PARD6B: variants seen among roughly 807,000 people sequenced by gnomAD.
PARD6B encodes partitioning defective 6 homolog beta.
PARD6B carries 4 observed loss-of-function variants against 10.5 expected under a neutral mutation model. The observed-to-expected ratio is 0.38, with a 90% confidence interval of 0.19 to 0.87. PARD6B has a LOEUF of 0.87. PARD6B is among the 40% of genes least tolerant of loss of function. PARD6B has a pLI of 0.41. For synonymous variants in PARD6B, 169 were observed against 170.4 expected (o/e 0.99, Z 0.07); for missense variants, 396 against 470.6 (o/e 0.84, Z 1.47).
At chr20:50,739,026 T>G (rs1336258454) in intron 2 of PARD6B, among the ~76,000 whole-genome samples, 1 of 151,766 alleles carries the variant, frequency 6.6e-6, no homozygotes, top group East Asian at 1.9e-4. Context: ...TAGGGCTTAT[T>G]ATGGTATGTA....
chr20:50,748,197 T>G (rs2294592), intron 2 of PARD6B, among the ~76,000 whole-genome samples: 47,355 of 152,068 alleles, frequency 0.31, 8,101 homozygotes, highest in African/African-American at 0.46. Flanking sequence ...ACAAAAATTA[T>G]CTGGGCATAG....
At chr20:50,736,789 C>A (rs1414715749) in intron 1 of PARD6B, among the ~76,000 whole-genome samples, 9 of 151,940 alleles carry the variant, frequency 5.9e-5, no homozygotes, top group Non-Finnish European at 1.3e-4. Context: ...CAACCTCTGC[C>A]TCCCAGATTC....
At chr20:50,738,449 G>A (rs573402760) in intron 2 of PARD6B, among the ~76,000 whole-genome samples, 1 of 152,310 alleles carries the variant, frequency 6.6e-6, no homozygotes, top group East Asian at 1.9e-4. Flanking sequence ...GGAATCCAAA[G>A]CATTCCTGTT....
At chr20:50,737,756 A>G in intron 1 of PARD6B, 101 bp from the exon 2 acceptor site, 1 of 759,842 alleles carries the variant, frequency 1.3e-6, no homozygotes, top group Non-Finnish European at 2.0e-6. Flanking sequence ...TTAATTAAAA[A>G]TACTTGCTCT....
chr20:50,740,202 G>C (rs900350609), intron 2 of PARD6B, among the ~76,000 whole-genome samples: 3 of 152,134 alleles, frequency 2.0e-5, no homozygotes, highest in Admixed American at 6.5e-5. Context: ...AGACATAAAG[G>C]CTATCTGAGA....
At chr20:50,737,361 G>A (rs2087505326) in intron 1 of PARD6B, among the ~76,000 whole-genome samples, 1 of 152,128 alleles carries the variant, frequency 6.6e-6, no homozygotes, top group African/African-American at 2.4e-5. Flanking sequence ...ATACCTTAAC[G>A]CCACGTAGCT....
In PARD6B at chr20:50,753,075, C is replaced by CTCTT. The variant is rs34049117; in HGVS notation, c.*2588_*2589insCTTT. 2.1e-4 allele frequency: 160 copies of CTCTT among 751,396 alleles called. No individual in the cohort carries two copies. In the African/African-American group the frequency reaches 3.3e-3, roughly 16 times the overall value. The allele number at this position is 751,396 out of a possible 1,614,324, so 46.5% of individuals were successfully genotyped here. Reference sequence around the variant, plus strand: ...AAATATTTTTACACACTACCTCTCTCTTTTTTTTTTTAAAGTTTTAACATC... The same window carrying CTCTT: ...AAATATTTTTACACACTACCTCTCTCTCTTTTTTTTTTTTTAAAGTTTTAACATC... On this transcript the variant is annotated 3_prime_UTR_variant, in exon 3 of 3. Coordinates refer to ENST00000371610, the MANE Select transcript of PARD6B (RefSeq NM_032521.3).
intron 2 of PARD6B, among the ~76,000 whole-genome samples, chr20:50,738,976 CTT>C (rs1429215932): frequency 6.7e-6 from 1 of 150,158 alleles, no homozygotes; most frequent in Non-Finnish European, 1.5e-5. Flanking sequence ...ATCTCGTAGC[CTT>C]TGTGTGTGTA....
At position 50,750,422 on chromosome 20, in the gene PARD6B, G is replaced by T. The variant is rs749486912; in HGVS notation, c.1053G>T (p.Thr351=). The T allele has an allele frequency of 1.2e-6, 2 of 1,613,942 alleles. No homozygotes were observed. Among genetic ancestry groups the T allele is most frequent in the African/African-American group, 1.3e-5 (1 of 74,882 alleles). ...SLAAIASSSN[T]EFETHAPDQK... ...CAGCCATAGCAAGCAGCTCAAACAC[G>T]GAATTTGAAACACATGCTCCAGATC... is the stretch of plus-strand genomic sequence containing the variant. Residue 351 remains threonine, a synonymous_variant, in exon 3 of 3, where the codon ACG becomes ACT. Transcript: ENST00000371610.
intron 1 of PARD6B, among the ~76,000 whole-genome samples, chr20:50,732,495 G>C (rs529100306): frequency 2.0e-5 from 3 of 152,152 alleles, no homozygotes; most frequent in Non-Finnish European, 4.4e-5. Context: ...TTGACCAACG[G>C]TATGCCAATC....
chr20:50,734,449 C>T (rs1334718937), intron 1 of PARD6B, among the ~76,000 whole-genome samples: 1 of 151,986 alleles, frequency 6.6e-6, no homozygotes, highest in Non-Finnish European at 1.5e-5. Context: ...TGAGCTCAAG[C>T]GATTCTCCGA....
rs886987810 is a variant in PARD6B at position 50,731,716 on chromosome 20, G to C, written c.-71G>C. ...CAACCGCTTTCCGAGATCCCCAGTC[G>C]CGCACTCGCTCCCCGCGCTCCTGAG... On this transcript the variant is annotated 5_prime_UTR_variant, in exon 1 of 3. Coordinates refer to ENST00000371610, the MANE Select transcript of PARD6B (RefSeq NM_032521.3). The C allele has an allele frequency of 7.6e-7, 1 of 1,324,154 alleles. No homozygotes were observed. Among genetic ancestry groups the C allele is most frequent in the African/African-American group, 1.5e-5 (1 of 64,544 alleles). 82.0% of individuals were successfully genotyped at this position (1,324,154 alleles called of 1,614,324 possible). A position where few individuals can be genotyped will look rare whatever the true frequency, so the allele number is the denominator to read the frequency against.
At chr20:50,731,911 G>A in intron 1 of PARD6B, 59 bp downstream of exon 1, 1 of 1,318,594 alleles carries the variant, frequency 7.6e-7, no homozygotes, top group East Asian at 3.1e-5. Context: ...CCTGGGAGAG[G>A]CCGGGCCAGG....
intron 2 of PARD6B, among the ~76,000 whole-genome samples, chr20:50,747,414 A>ATTTC (rs10626068): frequency 0.73 from 108,476 of 149,318 alleles, 39,447 homozygotes; most frequent in Middle Eastern, 0.8. Flanking sequence ...ATTTTCAACT[A>ATTTC]TTTTGTGGAG....
intron 1 of PARD6B, among the ~76,000 whole-genome samples, chr20:50,732,154 C>A (rs1050494346): frequency 1.3e-5 from 2 of 152,182 alleles, no homozygotes; most frequent in African/African-American, 4.8e-5. Context: ...CCAAGGATGG[C>A]GCACACTGAG....
rs1456822400 is a variant in PARD6B at position 50,738,627 on chromosome 20, A to C, written c.289+548A>C. ...AGCTAAGTGCAGTGCCCTGGCTTAT[A>C]GTAAGCACCCAGTAAATACTTTCTT... On this transcript the variant is annotated intron_variant, in intron 2 of 2. Transcript: ENST00000371610. 2.0e-5 allele frequency among the ~76,000 whole-genome samples: 3 copies of C among 152,240 alleles called. No homozygotes were observed. In the East Asian group the frequency reaches 5.8e-4, roughly 29 times the overall value.
chr20:50,744,446 G>A (rs758323430), intron 2 of PARD6B, among the ~76,000 whole-genome samples: 2 of 152,146 alleles, frequency 1.3e-5, no homozygotes, highest in South Asian at 4.2e-4. Context: ...CCCCCTCCAC[G>A]TCCTTCTCCA....
Position 50,750,537 on chromosome 20 carries a change from C to A in PARD6B, c.*49C>A, listed in dbSNP as rs769585502. Reference sequence around the variant, plus strand: ...AGTGAGGATGCCATGAGGACTTGTACATTTGGCTAGTTTAAAAGCATATAT... The same window carrying A: ...AGTGAGGATGCCATGAGGACTTGTAAATTTGGCTAGTTTAAAAGCATATAT... On this transcript the variant is annotated 3_prime_UTR_variant, in exon 3 of 3. Transcript: ENST00000371610. 8.3e-6 allele frequency: 13 copies of A among 1,570,686 alleles called. No individual in the cohort carries two copies. Among genetic ancestry groups the A allele is most frequent in the Non-Finnish European group, 1.0e-5 (12 of 1,160,622 alleles).
At position 50,750,953 on chromosome 20, in the gene PARD6B, G is replaced by GCTTTT. The variant is rs2087602892; in HGVS notation, c.*465_*466insCTTTT. On this transcript the variant is annotated 3_prime_UTR_variant, in exon 3 of 3. Transcript: ENST00000371610. Reference sequence around the variant, plus strand: ...TCTCATGTTCCCAATATTTTATTTTGATTTTTTTTTTTTTTTTTTTTTTTT... The same window carrying GCTTTT: ...TCTCATGTTCCCAATATTTTATTTTGCTTTTATTTTTTTTTTTTTTTTTTTTTTTT... The GCTTTT allele has an allele frequency of 4.8e-6, 1 of 209,548 alleles. No individual in the cohort carries two copies. The highest frequency in any genetic ancestry group is 2.1e-4 in the Admixed American group (1 of 4,788). The allele number at this position is 209,548 out of a possible 1,614,324, so 13.0% of individuals were successfully genotyped here.
Sources: gnomAD v4.1 joint callset for allele counts (sites outside exome capture counted in the v4.1 genomes callset) on GRCh38, gnomAD v4.1.1 for gene constraint, MANE v1.5 for transcripts, NCBI Gene and HGNC (gene_info 2026-07-23, HGNC 2026-07-21) for gene names.